The following ARMC6 variants were observed in gnomAD, a reference collection of about 807,000 sequenced individuals.
ARMC6 encodes the protein armadillo repeat-containing protein 6.
Under a neutral mutation model 49.2 loss-of-function variants are expected in ARMC6, and 43 were observed. That is an observed-to-expected ratio of 0.87 (90% CI 0.69 to 1.13). ARMC6 has a LOEUF of 1.13. Ranked by LOEUF, ARMC6 falls within the 50% of genes most tolerant of loss-of-function variation. The pLI is 0.00. For synonymous variants in ARMC6, 262 were observed against 289.6 expected (o/e 0.90, Z 0.97); for missense variants, 627 against 682.0 (o/e 0.92, Z 0.90).
chr19:19,050,090 C>T (rs994467646), intron 4 of ARMC6, among the ~76,000 whole-genome samples: 1 of 152,176 alleles, frequency 6.6e-6, no homozygotes, highest in African/African-American at 2.4e-5. Flanking sequence ...TCTTATTTCA[C>T]TTAGCGTAAT....
intron 4 of ARMC6, among the ~76,000 whole-genome samples, chr19:19,048,245 C>T (rs1404171431): frequency 6.6e-6 from 1 of 152,158 alleles, no homozygotes; most frequent in Non-Finnish European, 1.5e-5. Flanking sequence ...ACTCAGGAGG[C>T]TGAGGTAGGA....
intron 6 of ARMC6, among the ~76,000 whole-genome samples, chr19:19,054,558 C>T (rs1033196262): frequency 6.6e-6 from 1 of 152,154 alleles, no homozygotes; most frequent in African/African-American, 2.4e-5. Flanking sequence ...TGGGGTGTGT[C>T]GGCCAAGGCT....
rs1017311176 is a variant in ARMC6, at chr19:19,033,863, G to A, written c.-147G>A. 2 of 316,854 alleles carry A rather than the reference G, an allele frequency of 6.3e-6. No individual in the cohort carries two copies. The highest frequency in any genetic ancestry group is 1.2e-5 in the Non-Finnish European group (2 of 170,726). The allele number at this position is 316,854 out of a possible 1,614,324, so 19.6% of individuals were successfully genotyped here. On this transcript the variant is annotated 5_prime_UTR_variant, in exon 1 of 9. Coordinates refer to ENST00000535612, the MANE Select transcript of ARMC6 (RefSeq NM_001199196.2). ...CCTGCGCGCGTACGGCGGCCGGAAG[G>A]GGCTAGAGGCGGCTCCCTGGGTGAC...
intron 3 of ARMC6, 77 bp downstream of exon 3, chr19:19,042,954 C>T: frequency 6.4e-7 from 1 of 1,555,752 alleles, no homozygotes; most frequent in South Asian, 1.2e-5. Flanking sequence ...CTGCCCCGCC[C>T]CACTGGGGGT....
intron 4 of ARMC6, among the ~76,000 whole-genome samples, chr19:19,051,371 C>CTGTG (rs1349643143): frequency 0.012 from 1,494 of 122,658 alleles, 29 homozygotes; most frequent in African/African-American, 0.055. Flanking sequence ...CTCTCTCTCT[C>CTGTG]TCTCTGTGTG....
intron 4 of ARMC6, among the ~76,000 whole-genome samples, chr19:19,046,251 C>T (rs1216654978): frequency 1.3e-5 from 2 of 150,892 alleles, no homozygotes; most frequent in African/African-American, 2.4e-5. Context: ...GGCTGGAGTG[C>T]AGTGGCGTGA....
At chr19:19,034,098 C>T (rs2059311361) in intron 1 of ARMC6, 33 bp from the exon 2 acceptor site, 30 of 742,644 alleles carry the variant, frequency 4.0e-5, no homozygotes, top group Non-Finnish European at 6.1e-5. Flanking sequence ...CTGGCATTCG[C>T]TTTATTTTCA....
rs1220461854 is a variant in ARMC6 at position 19,057,900 on chromosome 19, A to G, written c.*272A>G. ...GCTCCTTCCCCCAGCCCCACGCCCT[A>G]CCAGAGGGGGCAAAGGGCACGTCCC... On this transcript the variant is annotated 3_prime_UTR_variant, in exon 9 of 9. Coordinates refer to ENST00000535612, the MANE Select transcript of ARMC6 (RefSeq NM_001199196.2). 5 of 576,978 alleles carry G rather than the reference A, an allele frequency of 8.7e-6. No individual in the cohort carries two copies. Among genetic ancestry groups the G allele is most frequent in the Admixed American group, 7.9e-5 (3 of 37,868 alleles). The allele number at this position is 576,978 out of a possible 1,614,324, so 35.7% of individuals were successfully genotyped here.
Position 19,034,155 on chromosome 19 carries a change from C to A in ARMC6, c.-55C>A. ...GCACCTGTGCACTGAGTGCCTGCTG[C>A]GTGTCGGGCCCCGTCCTAGGCAGTG... On this transcript the variant is annotated 5_prime_UTR_variant, in exon 2 of 9. Coordinates refer to ENST00000535612, the MANE Select transcript of ARMC6 (RefSeq NM_001199196.2). 1 of 1,272,862 alleles carries A rather than the reference C, an allele frequency of 7.9e-7. No homozygotes were observed. Among genetic ancestry groups the A allele is most frequent in the Non-Finnish European group, 1.1e-6 (1 of 889,686 alleles). The allele number at this position is 1,272,862 out of a possible 1,614,324, so 78.8% of individuals were successfully genotyped here. A position where few individuals can be genotyped will look rare whatever the true frequency, so the allele number is the denominator to read the frequency against.
intron 2 of ARMC6, among the ~76,000 whole-genome samples, chr19:19,040,368 T>G (rs1358119832): frequency 6.6e-6 from 1 of 152,202 alleles, no homozygotes; most frequent in Non-Finnish European, 1.5e-5. Context: ...GAACTTTTCC[T>G]CATCCTCTTT....
chr19:19,052,029 C>T lies in ARMC6; in HGVS notation c.687C>T (p.Ile229=). Residue 229 remains isoleucine, a synonymous_variant, in exon 5 of 9, where the codon ATC becomes ATT. Coordinates refer to ENST00000535612, the MANE Select transcript of ARMC6 (RefSeq NM_001199196.2). ...AGVLPLLTGA[I]THHGHHTDVV... ...TGCTGCCTCTGCTGACTGGTGCCATCACCCATCATGGCCACCACACTGACG... is the reference window on the plus strand; with the variant it reads ...TGCTGCCTCTGCTGACTGGTGCCATTACCCATCATGGCCACCACACTGACG... 6.2e-7 allele frequency: 1 copy of T among 1,614,020 alleles called. No individual in the cohort carries two copies. The highest frequency in any genetic ancestry group is 8.5e-7 in the Non-Finnish European group (1 of 1,180,046).
Position 19,042,779 on chromosome 19 carries a change from A to G in ARMC6, c.98A>G (p.Gln33Arg). The stretch of plus-strand genomic sequence containing the variant: ...AAGATGGTCTCCAAGCGCATTGCCC[A>G]GGAGACCTTTGATGCAGCTGTGCGC... ...QAKMVSKRIA[Q>R]ETFDAAVREN... is the part of the protein sequence containing the mutation. Residue 33 changes from glutamine (Q) to arginine (R), a missense_variant, in exon 3 of 9, where the codon CAG (glutamine) becomes CGG (arginine). Coordinates refer to ENST00000535612, the MANE Select transcript of ARMC6 (RefSeq NM_001199196.2). The G allele has an allele frequency of 6.2e-7, 1 of 1,614,006 alleles. No homozygotes were observed.
chr19:19,054,729 C>T (rs2059529068), intron 6 of ARMC6, among the ~76,000 whole-genome samples: 1 of 152,208 alleles, frequency 6.6e-6, no homozygotes, highest in African/African-American at 2.4e-5. Context: ...CCCTATCCAG[C>T]TGCAGCTGCA....
At chr19:19,035,460 C>T (rs2059355486) in intron 2 of ARMC6, among the ~76,000 whole-genome samples, 1 of 152,200 alleles carries the variant, frequency 6.6e-6, no homozygotes, top group Admixed American at 6.5e-5. Context: ...GGCTGTTCTC[C>T]AGGTAATTCT....
Position 19,044,061 on chromosome 19 carries a change from A to G in ARMC6, c.266A>G (p.His89Arg), listed in dbSNP as rs1349595108. ...VSADGSQEPTHDILQMLSDLQ... is the reference protein window; with the variant it reads ...VSADGSQEPTRDILQMLSDLQ... ...GCAGACGGATCCCAGGAGCCCACAC[A>G]TGACATCCTGCAGGTAGGAGTGGGC... The change falls in exon 4 of 9, where the codon CAT becomes CGT. Residue 89 changes from histidine to arginine, a missense_variant. Transcript: ENST00000535612. 3.1e-6 allele frequency: 5 copies of G among 1,613,992 alleles called. No individual in the cohort carries two copies. The highest frequency in any genetic ancestry group is 2.7e-5 in the African/African-American group (2 of 74,926).
At chr19:19,048,924 G>C (rs1270596152) in intron 4 of ARMC6, among the ~76,000 whole-genome samples, 1 of 152,148 alleles carries the variant, frequency 6.6e-6, no homozygotes. Context: ...AGTTATGTCT[G>C]ACTTCCAAAG....
At position 19,042,727 on chromosome 19, in the gene ARMC6, G is replaced by A. The variant is rs761863352; in HGVS notation, c.46G>A (p.Gly16Ser). The A allele has an allele frequency of 1.1e-5, 17 of 1,612,958 alleles. No homozygotes were observed. Among genetic ancestry groups the A allele is most frequent in the East Asian group, 8.9e-5 (4 of 44,864 alleles). Residue 16 changes from glycine to serine, a missense_variant, in exon 3 of 9, where the codon GGC (glycine) becomes AGC (serine). Transcript: ENST00000535612. ...CSRYSSGASI[G>S]CTPTSTQAKM... ...ACCTCTCAGCTCAGGAGCATCTATC[G>A]GCTGCACGCCAACATCAACACAGGC...
Position 19,033,605 on chromosome 19 carries a change from G to T in ARMC6, c.-405G>T, listed in dbSNP as rs10422238. ...CTGGTGCGCAGGCGCGGGCCGCCGCGGCCCGGCTCTCTTGCGCAAGCGCGC... is the reference window on the plus strand; with the variant it reads ...CTGGTGCGCAGGCGCGGGCCGCCGCTGCCCGGCTCTCTTGCGCAAGCGCGC... On this transcript the variant is annotated 5_prime_UTR_variant, in exon 1 of 9. Coordinates refer to ENST00000535612, the MANE Select transcript of ARMC6 (RefSeq NM_001199196.2). The T allele has an allele frequency of 4.8e-3, 5,671 of 1,179,440 alleles. 210 individuals carry two copies. In the African/African-American group the frequency reaches 0.082, roughly 17 times the overall value. The allele number at this position is 1,179,440 out of a possible 1,614,324, so 73.1% of individuals were successfully genotyped here. A position where few individuals can be genotyped will look rare whatever the true frequency, so the allele number is the denominator to read the frequency against.
In ARMC6 at chr19:19,057,521, G is replaced by T; in HGVS notation, c.1399G>T (p.Ala467Ser). 6.2e-7 allele frequency: 1 copy of T among 1,613,986 alleles called. No homozygotes were observed. The highest frequency in any genetic ancestry group is 1.1e-5 in the South Asian group (1 of 91,076). Residue 467 changes from alanine to serine, a missense_variant, in exon 9 of 9, where the codon GCC becomes TCC. Ala to Ser is a moderately conservative substitution (Grantham distance 99). Coordinates refer to ENST00000535612, the MANE Select transcript of ARMC6 (RefSeq NM_001199196.2). ...AEALIMQARSAHRDCEDVAKA... is the reference protein window; with the variant it reads ...AEALIMQARSSHRDCEDVAKA... Reference sequence around the variant, plus strand: ...GGCACTCATCATGCAGGCCCGATCTGCCCACCGTGACTGTGAGGACGTGGC... The same window carrying T: ...GGCACTCATCATGCAGGCCCGATCTTCCCACCGTGACTGTGAGGACGTGGC...
Sources: gnomAD v4.1 joint callset for allele counts (sites outside exome capture counted in the v4.1 genomes callset) on GRCh38, gnomAD v4.1.1 for gene constraint, MANE v1.5 for transcripts, NCBI Gene and HGNC (gene_info 2026-07-23, HGNC 2026-07-21) for gene names.